The following PKHD1L1 variants were observed in gnomAD, a reference collection of about 807,000 sequenced individuals.
PKHD1L1 encodes the protein PKHD1 like 1.
In PKHD1L1, 434 loss-of-function variants were observed where a neutral mutation model predicts 462.9. That is an observed-to-expected ratio of 0.94 (90% CI 0.87 to 1.02). The LOEUF (loss-of-function observed/expected upper bound fraction) is 1.02, where lower values mean the gene tolerates loss of function less well. PKHD1L1 is among the 50% of genes least tolerant of loss of function. The pLI, the probability that PKHD1L1 is intolerant of heterozygous loss-of-function variation, is 0.00. For missense variants in PKHD1L1, 5,202 were observed against 5,096.1 expected (o/e 1.02, Z -0.63); for synonymous variants, 1,781 against 1,750.0 (o/e 1.02, Z -0.44).
Position 109,404,979 on chromosome 8 carries a change from C to T in PKHD1L1, c.1534-16C>T. 7.0e-7 allele frequency: 1 copy of T among 1,419,938 alleles called. No homozygotes were observed. The highest frequency in any genetic ancestry group is 2.7e-5 in the Admixed American group (1 of 37,018). 88.0% of individuals were successfully genotyped at this position (1,419,938 alleles called of 1,614,324 possible). On this transcript the variant is annotated splice_polypyrimidine_tract_variant and intron_variant, in intron 15 of 77. Coordinates refer to ENST00000378402, the MANE Select transcript of PKHD1L1 (RefSeq NM_177531.6). ...TATTTTTCATATATTAAAAATGTTTCTTAATTGGAAAATAGGTTATAACAT... is the reference window on the plus strand; with the variant it reads ...TATTTTTCATATATTAAAAATGTTTTTTAATTGGAAAATAGGTTATAACAT...
At chr8:109,384,548 C>G (rs1209112134) in intron 5 of PKHD1L1, among the ~76,000 whole-genome samples, 1 of 151,822 alleles carries the variant, frequency 6.6e-6, no homozygotes, top group East Asian at 1.9e-4. Flanking sequence ...AAAAAAGTAC[C>G]AATATTTTAA....
At chr8:109,392,534 T>A (rs1407521595) in intron 9 of PKHD1L1, among the ~76,000 whole-genome samples, 2 of 152,122 alleles carry the variant, frequency 1.3e-5, no homozygotes, top group Non-Finnish European at 2.9e-5. Context: ...TATCCCTTTG[T>A]ACAAATGTCT....
At chr8:109,423,703 C>A (rs900094722) in intron 23 of PKHD1L1, among the ~76,000 whole-genome samples, 1 of 152,146 alleles carries the variant, frequency 6.6e-6, no homozygotes, top group East Asian at 1.9e-4. Flanking sequence ...AATCTATAGA[C>A]TGTTTTGGAG....
intron 35 of PKHD1L1, among the ~76,000 whole-genome samples, chr8:109,442,584 C>G (rs1399899771): frequency 6.6e-6 from 1 of 152,056 alleles, no homozygotes; most frequent in Non-Finnish European, 1.5e-5. Flanking sequence ...GTAAAATGTG[C>G]CTTTTAGATT....
intron 50 of PKHD1L1, chr8:109,470,767 T>A: frequency 6.5e-7 from 1 of 1,535,606 alleles, no homozygotes; most frequent in South Asian, 1.2e-5. Flanking sequence ...TAGGGAGGAC[T>A]GTTTTTTCAT....
At chr8:109,400,393 A>C in intron 13 of PKHD1L1, 49 bp downstream of exon 13, 1 of 1,533,098 alleles carries the variant, frequency 6.5e-7, no homozygotes, top group African/African-American at 1.4e-5. Context: ...CATTATGGTG[A>C]TATTTATATG....
intron 58 of PKHD1L1, 129 bp from the exon 59 acceptor site, chr8:109,486,519 A>G: frequency 2.9e-6 from 2 of 696,520 alleles, no homozygotes; most frequent in South Asian, 2.5e-5. Context: ...TTTAACATGT[A>G]AATGTAATCA....
intron 49 of PKHD1L1, among the ~76,000 whole-genome samples, chr8:109,465,684 T>C (rs921301244): frequency 6.6e-6 from 1 of 152,190 alleles, no homozygotes; most frequent in Non-Finnish European, 1.5e-5. Context: ...AAAAGCAATA[T>C]AGACAGACTG....
Position 109,362,489 on chromosome 8 carries a change from G to T in PKHD1L1, c.-92G>T. Reference sequence around the variant, plus strand: ...CCCCAGCTCTCCCGGGACGAAGCGGGCCCGCCAGCGAGTCGCAGTCCCAGG... The same window carrying T: ...CCCCAGCTCTCCCGGGACGAAGCGGTCCCGCCAGCGAGTCGCAGTCCCAGG... On this transcript the variant is annotated 5_prime_UTR_variant, in exon 1 of 78. Coordinates refer to ENST00000378402, the MANE Select transcript of PKHD1L1 (RefSeq NM_177531.6). 1 of 1,293,918 alleles carries T rather than the reference G, an allele frequency of 7.7e-7. No individual in the cohort carries two copies. Among genetic ancestry groups the T allele is most frequent in the East Asian group, 2.5e-5 (1 of 39,442 alleles). 80.2% of individuals were successfully genotyped at this position (1,293,918 alleles called of 1,614,324 possible).
intron 72 of PKHD1L1, among the ~76,000 whole-genome samples, 172 bp from the exon 73 acceptor site, chr8:109,517,995 G>A (rs574639566): frequency 5.3e-5 from 8 of 151,976 alleles, no homozygotes; most frequent in Non-Finnish European, 1.2e-4. Flanking sequence ...CTTTAATTTC[G>A]CAGGTCAGTT....
chr8:109,522,420 A>G, intron 74 of PKHD1L1, 83 bp downstream of exon 74: 1 of 1,337,200 alleles, frequency 7.5e-7, no homozygotes, highest in South Asian at 1.6e-5. Context: ...CTCTGTTTCT[A>G]TTTCAAAACA....
At chr8:109,426,891 G>T in intron 24 of PKHD1L1, 111 bp from the exon 25 acceptor site, 1 of 673,638 alleles carries the variant, frequency 1.5e-6, no homozygotes. Flanking sequence ...GACCTCAGGT[G>T]ACCCGCCCGC....
chr8:109,498,866 T>C (rs545630764), intron 67 of PKHD1L1, 95 bp downstream of exon 67: 13 of 1,131,724 alleles, frequency 1.1e-5, no homozygotes, highest in Non-Finnish European at 1.6e-5. Context: ...TAAAAATGAT[T>C]TAAGTGAATT....
At chr8:109,500,123 C>T (rs1463590637) in intron 67 of PKHD1L1, among the ~76,000 whole-genome samples, 2 of 152,150 alleles carry the variant, frequency 1.3e-5, no homozygotes, top group African/African-American at 4.8e-5. Flanking sequence ...CTTGGGACTA[C>T]TGGGATCTAC....
chr8:109,393,739 A>G (rs1344837702), intron 9 of PKHD1L1, among the ~76,000 whole-genome samples: 1 of 152,220 alleles, frequency 6.6e-6, no homozygotes, highest in Non-Finnish European at 1.5e-5. Flanking sequence ...GGCATAATCA[A>G]TTGAAAGTTC....
intron 4 of PKHD1L1, among the ~76,000 whole-genome samples, chr8:109,383,610 GA>G (rs1336592424): frequency 3.3e-5 from 5 of 150,432 alleles, no homozygotes; most frequent in Middle Eastern, 3.5e-3. Flanking sequence ...CTGTCTTCAA[GA>G]AGCTTCTATG....
rs1483393525 is a variant in PKHD1L1, at chr8:109,510,758, T to A, written c.11396-19T>A. 1 of 1,606,536 alleles carries A rather than the reference T, an allele frequency of 6.2e-7. No homozygotes were observed. The highest frequency in any genetic ancestry group is 1.3e-5 in the African/African-American group (1 of 74,490). ...ATGTATGATATAGGAGTATGCACTTTCATTTTGCATGGATTTAGGCCCACA... is the reference window on the plus strand; with the variant it reads ...ATGTATGATATAGGAGTATGCACTTACATTTTGCATGGATTTAGGCCCACA... On this transcript the variant is annotated intron_variant, in intron 70 of 77. Coordinates refer to ENST00000378402, the MANE Select transcript of PKHD1L1 (RefSeq NM_177531.6).
chr8:109,441,127 A>G (rs1274740298), intron 33 of PKHD1L1, 148 bp from the exon 34 acceptor site: 2 of 658,032 alleles, frequency 3.0e-6, no homozygotes, highest in Admixed American at 3.5e-5. Context: ...TACTATCAGA[A>G]AAGAAGTTCT....
At chr8:109,414,169 T>C (rs1814007125) in intron 21 of PKHD1L1, among the ~76,000 whole-genome samples, 1 of 152,168 alleles carries the variant, frequency 6.6e-6, no homozygotes, top group South Asian at 2.1e-4. Flanking sequence ...ACACAGTACA[T>C]ACAAAAATTT....
Sources: gnomAD v4.1 joint callset for allele counts (sites outside exome capture counted in the v4.1 genomes callset) on GRCh38, gnomAD v4.1.1 for gene constraint, MANE v1.5 for transcripts, NCBI Gene and HGNC (gene_info 2026-07-23, HGNC 2026-07-21) for gene names.